Variants in PHLPP1 observed in about 807,000 individuals in gnomAD.
PHLPP1 encodes the protein PH domain and leucine rich repeat protein phosphatase 1.
In PHLPP1, 42 loss-of-function variants were observed where a neutral mutation model predicts 117.2. The observed-to-expected ratio is 0.36, with a 90% CI of 0.28 to 0.46. PHLPP1 has a LOEUF of 0.46. Among genes scored for constraint, PHLPP1 ranks in the 20% least tolerant of loss-of-function variants. The pLI is 1.00. For missense variants in PHLPP1, 2,084 were observed against 2,241.9 expected (o/e 0.93, Z 1.42); for synonymous variants, 1,042 against 970.7 (o/e 1.07, Z -1.37).
intron 10 of PHLPP1, 134 bp downstream of exon 10, chr18:62,920,248 G>C (rs1352235203): frequency 5.6e-5 from 50 of 891,230 alleles, no homozygotes; most frequent in Non-Finnish European, 1.7e-6. Flanking sequence ...AAATAGTTTT[G>C]CCAGCCACTT....
chr18:62,728,527 A>G (rs1272241773), intron 1 of PHLPP1, among the ~76,000 whole-genome samples: 2 of 145,970 alleles, frequency 1.4e-5, no homozygotes, highest in East Asian at 4.0e-4. Context: ...TTTTTGAGAC[A>G]GTGTCTCACT....
intron 1 of PHLPP1, among the ~76,000 whole-genome samples, chr18:62,762,297 C>T (rs958341603): frequency 2.0e-5 from 3 of 150,134 alleles, no homozygotes; most frequent in Admixed American, 6.6e-5. Flanking sequence ...TGACACTGAA[C>T]CCAAGTCTTT....
At chr18:62,926,771 C>A (rs1173078499) in intron 10 of PHLPP1, among the ~76,000 whole-genome samples, 1 of 152,176 alleles carries the variant, frequency 6.6e-6, no homozygotes, top group African/African-American at 2.4e-5. Flanking sequence ...TGAGCTAGAG[C>A]ATCTTCTGTG....
chr18:62,942,914 T>C (rs1254202792), intron 11 of PHLPP1, among the ~76,000 whole-genome samples: 4 of 152,186 alleles, frequency 2.6e-5, no homozygotes, highest in Admixed American at 2.0e-4. Flanking sequence ...TAATGAAATA[T>C]TTACTTTCCT....
chr18:62,800,460 A>G (rs1179918476), intron 1 of PHLPP1, among the ~76,000 whole-genome samples: 1 of 152,178 alleles, frequency 6.6e-6, no homozygotes, highest in African/African-American at 2.4e-5. Context: ...AATATTAGGT[A>G]TATAGTGGTG....
chr18:62,975,535 T>A lies in PHLPP1; in HGVS notation c.3894T>A (p.Asn1298Lys). 1 of 1,613,932 alleles carries A rather than the reference T, an allele frequency of 6.2e-7. No homozygotes were observed. The highest frequency in any genetic ancestry group is 1.1e-5 in the South Asian group (1 of 91,084). ...AGTGCCAAACAGTTCTCTGTCGAAA[T>A]GGAAAGCCGCTGCCTCTGTCCAGAT... The part of the protein sequence containing the change: ...VGKCQTVLCR[N>K]GKPLPLSRSY... Residue 1298 changes from asparagine to lysine, a missense_variant, in exon 16 of 17, where the codon AAT (asparagine) becomes AAA (lysine). Transcript: ENST00000262719.
At chr18:62,736,614 TGG>T (rs1339756498) in intron 1 of PHLPP1, among the ~76,000 whole-genome samples, 3 of 152,244 alleles carry the variant, frequency 2.0e-5, no homozygotes, top group Non-Finnish European at 4.4e-5. Context: ...ACTTAGGAGT[TGG>T]CGACATAATG....
intron 1 of PHLPP1, among the ~76,000 whole-genome samples, chr18:62,819,646 T>G (rs1914389542): frequency 6.6e-6 from 1 of 152,142 alleles, no homozygotes; most frequent in Non-Finnish European, 1.5e-5. Flanking sequence ...CTATTTTATT[T>G]TATTATTATT....
chr18:62,849,643 C>A (rs1347337687), intron 3 of PHLPP1, among the ~76,000 whole-genome samples: 1 of 94,718 alleles, frequency 1.1e-5, no homozygotes, highest in Admixed American at 1.3e-4. Flanking sequence ...GATTGAGATT[C>A]TGTCTCAAAA....
intron 2 of PHLPP1, among the ~76,000 whole-genome samples, chr18:62,831,793 A>G (rs1021898292): frequency 1.3e-5 from 2 of 152,238 alleles, no homozygotes; most frequent in South Asian, 4.1e-4. Flanking sequence ...ATGAATAAAT[A>G]GCCTATGTTA....
chr18:62,922,637 GTT>G (rs1909509460), intron 10 of PHLPP1, among the ~76,000 whole-genome samples: 1 of 152,274 alleles, frequency 6.6e-6, no homozygotes, highest in Non-Finnish European at 1.5e-5. Context: ...ATGGATTTAG[GTT>G]TTAGGAGCCT....
At chr18:62,970,764 C>CA (rs915325171) in intron 14 of PHLPP1, among the ~76,000 whole-genome samples, 15 of 149,866 alleles carry the variant, frequency 1.0e-4, no homozygotes, top group Non-Finnish European at 1.2e-4. Context: ...GACTCCATCT[C>CA]AAAAAAAAAT....
chr18:62,886,371 C>T (rs1328441006), intron 4 of PHLPP1, among the ~76,000 whole-genome samples: 1 of 152,146 alleles, frequency 6.6e-6, no homozygotes, highest in Non-Finnish European at 1.5e-5. Flanking sequence ...ATTATTGCCT[C>T]AAGCTCCTGG....
At chr18:62,757,676 A>G (rs1049695990) in intron 1 of PHLPP1, among the ~76,000 whole-genome samples, 7 of 152,158 alleles carry the variant, frequency 4.6e-5, no homozygotes, top group Non-Finnish European at 7.3e-5. Flanking sequence ...TTTCTTCTCT[A>G]AATTCTTTAG....
intron 1 of PHLPP1, among the ~76,000 whole-genome samples, chr18:62,821,307 T>TA (rs1914447398): frequency 6.6e-6 from 1 of 150,806 alleles, no homozygotes; most frequent in Admixed American, 6.6e-5. Flanking sequence ...CAATAAGCAA[T>TA]AACAATGAAA....
chr18:62,763,265 A>G (rs1179057592), intron 1 of PHLPP1, among the ~76,000 whole-genome samples: 1 of 152,192 alleles, frequency 6.6e-6, no homozygotes, highest in African/African-American at 2.4e-5. Context: ...TTTTTTCTGC[A>G]TAACTCTGCA....
At chr18:62,782,278 T>G (rs1387786551) in intron 1 of PHLPP1, among the ~76,000 whole-genome samples, 3 of 152,230 alleles carry the variant, frequency 2.0e-5, no homozygotes, top group Non-Finnish European at 4.4e-5. Context: ...TTTGTGAACA[T>G]GTGGCAAGCC....
rs576652436 is a variant in PHLPP1, at chr18:62,895,916, T to C, written c.2349T>C (p.Thr783=). 2.5e-5 allele frequency: 41 copies of C among 1,613,720 alleles called. No homozygotes were observed. In the African/African-American group the frequency reaches 4.8e-4, roughly 19 times the overall value. The change falls in exon 6 of 17, where the codon ACT becomes ACC. Residue 783 remains threonine (T), a synonymous_variant. Coordinates refer to ENST00000262719, the MANE Select transcript of PHLPP1 (RefSeq NM_194449.4). ...TTCCCGAAGTATTGGAGAAATTGAC[T>C]GCTGTGGATAAACTTTGTATGTCTG... ...TDIPEVLEKL[T]AVDKLCMSGN...
At chr18:62,801,232 G>A (rs893159020) in intron 1 of PHLPP1, among the ~76,000 whole-genome samples, 48 of 150,964 alleles carry the variant, frequency 3.2e-4, no homozygotes, top group African/African-American at 1.1e-3. Context: ...TAGTAGAGAC[G>A]GGGTTTCACC....
Sources: allele counts gnomAD v4.1 joint callset (sites outside exome capture counted in the v4.1 genomes callset), GRCh38; gene constraint gnomAD v4.1.1; transcripts MANE v1.5; gene names NCBI Gene and HGNC (gene_info 2026-07-23, HGNC 2026-07-21).